RANBP2: variants seen among roughly 807,000 people sequenced by gnomAD.
RANBP2 encodes E3 SUMO-protein ligase RanBP2.
RANBP2 carries 57 observed loss-of-function variants against 303.6 expected under a neutral mutation model. That is an observed-to-expected ratio of 0.19 (90% confidence interval 0.15 to 0.23). RANBP2 has a LOEUF of 0.23. Among genes scored for constraint, RANBP2 ranks in the 10% least tolerant of loss-of-function variants. The pLI is 1.00. For synonymous variants in RANBP2, 1,167 were observed against 1,301.5 expected, an observed-to-expected ratio of 0.90 and a Z score of 2.23; for missense variants, 3,138 against 3,780.8, an observed-to-expected ratio of 0.83 and a Z score of 4.46.
At chr2:109,255,679 C>T in the RANBP2 span, among the ~76,000 whole-genome samples, 1 of 152,148 alleles carries the variant, frequency 6.6e-6, no homozygotes, top group African/African-American at 2.4e-5. Context: ...AACTACTTAC[C>T]AGAAAACATG....
At chr2:108,821,868 C>A in the RANBP2 span, among the ~76,000 whole-genome samples, 1 of 150,616 alleles carries the variant, frequency 6.6e-6, no homozygotes, top group African/African-American at 2.4e-5. Context: ...TTGCTTGAAC[C>A]CAGGAGGTGA....
the RANBP2 span, among the ~76,000 whole-genome samples, chr2:109,667,563 T>A: frequency 6.6e-6 from 1 of 152,154 alleles, no homozygotes; most frequent in Non-Finnish European, 1.5e-5. Flanking sequence ...CATAGAATGA[T>A]GAACAGAGGT....
the RANBP2 span, among the ~76,000 whole-genome samples, chr2:109,435,151 C>G: frequency 6.6e-6 from 1 of 152,196 alleles, no homozygotes; most frequent in East Asian, 1.9e-4. Context: ...GTGTCCTCTC[C>G]GGTTCCTTAG....
chr2:108,806,579 C>T, the RANBP2 span, among the ~76,000 whole-genome samples: 31 of 152,262 alleles, frequency 2.0e-4, no homozygotes, highest in Non-Finnish European at 4.0e-4. Flanking sequence ...GTCTCTCTTT[C>T]AGTGACCCAG....
At chr2:109,441,069 C>CA in the RANBP2 span, among the ~76,000 whole-genome samples, 1 of 143,562 alleles carries the variant, frequency 7.0e-6, no homozygotes, top group Non-Finnish European at 1.5e-5. Context: ...ACTCAAGAGT[C>CA]AAACTATTTC....
chr2:109,129,354 CCCGCCACGCAGGCCGGTCG>C, the RANBP2 span: 2 of 235,954 alleles, frequency 8.5e-6, no homozygotes, highest in Non-Finnish European at 1.5e-5. Context: ...CAGGCCGGTC[CCCGCCACGCAGGCCGGTCG>C]GTGAGCCACT....
the RANBP2 span, among the ~76,000 whole-genome samples, chr2:109,326,691 A>T: frequency 7.9e-5 from 12 of 152,224 alleles, no homozygotes; most frequent in Non-Finnish European, 1.8e-4. Context: ...TTCTTGAAAG[A>T]TCTATCTGTT....
At chr2:109,268,910 A>G in the RANBP2 span, among the ~76,000 whole-genome samples, 1 of 152,200 alleles carries the variant, frequency 6.6e-6, no homozygotes, top group African/African-American at 2.4e-5. Flanking sequence ...GTTTATCAAA[A>G]TGTAACCCCA....
chr2:109,065,489 C>T, the RANBP2 span, among the ~76,000 whole-genome samples: 12 of 152,104 alleles, frequency 7.9e-5, no homozygotes, highest in Non-Finnish European at 1.6e-4. Flanking sequence ...AATCAGCCCT[C>T]GTTCAGCCCA....
the RANBP2 span, among the ~76,000 whole-genome samples, chr2:109,538,145 A>G: frequency 6.6e-6 from 1 of 152,160 alleles, no homozygotes; most frequent in Admixed American, 6.5e-5. Context: ...TCCAGCCACT[A>G]CCTGGCTTGT....
At chr2:108,913,785 C>A in the RANBP2 span, among the ~76,000 whole-genome samples, 1 of 151,880 alleles carries the variant, frequency 6.6e-6, no homozygotes, top group Non-Finnish European at 1.5e-5. Context: ...CCCGTCTCTA[C>A]TAAAAATACA....
At chr2:109,639,650 G>A in the RANBP2 span, among the ~76,000 whole-genome samples, 2 of 151,534 alleles carry the variant, frequency 1.3e-5, no homozygotes, top group Non-Finnish European at 2.9e-5. Context: ...ATAAAAAAAT[G>A]GGCTGTAATC....
the RANBP2 span, chr2:109,398,497 T>G: frequency 8.7e-7 from 1 of 1,151,032 alleles, no homozygotes; most frequent in Admixed American, 2.5e-5. Flanking sequence ...ATTGCCAGTT[T>G]GTGAATGGAA....
Position 108,747,785 on chromosome 2 carries a change from A to T in RANBP2, c.1063+987A>T, listed in dbSNP as rs182965651. ...AGAATTAACTCGAAGGAGGGTTTTTAAAAAAAGTTCAATTGAAATATAATT... is the reference window on the plus strand; with the variant it reads ...AGAATTAACTCGAAGGAGGGTTTTTTAAAAAAGTTCAATTGAAATATAATT... On this transcript the variant is annotated intron_variant, in intron 8 of 28. Transcript: ENST00000283195. Among the ~76,000 whole-genome samples, 762 of 152,266 alleles carry T rather than the reference A, an allele frequency of 5.0e-3. 4 individuals carry two copies. Among genetic ancestry groups the T allele is most frequent in the South Asian group, 0.021 (100 of 4,816 alleles).
chr2:109,670,015 G>A, the RANBP2 span, among the ~76,000 whole-genome samples: 5 of 151,986 alleles, frequency 3.3e-5, no homozygotes, highest in African/African-American at 4.8e-5. Context: ...TGCAGTCTCC[G>A]TCACAGCCAG....
At chr2:109,576,885 G>GA in the RANBP2 span, among the ~76,000 whole-genome samples, 2 of 151,886 alleles carry the variant, frequency 1.3e-5, no homozygotes, top group East Asian at 1.9e-4. Flanking sequence ...GTTTTCAAAG[G>GA]AAAAAAACAG....
chr2:108,860,199 C>T, the RANBP2 span, among the ~76,000 whole-genome samples: 1 of 151,932 alleles, frequency 6.6e-6, no homozygotes, highest in Admixed American at 6.6e-5. Context: ...GAATTTGTAT[C>T]TTCAGACTTC....
the RANBP2 span, among the ~76,000 whole-genome samples, chr2:109,635,106 G>C: frequency 7.1e-6 from 1 of 140,558 alleles, no homozygotes; most frequent in East Asian, 2.2e-4. Flanking sequence ...AAACTCCAGT[G>C]TTAAAAAAAA....
the RANBP2 span, chr2:109,129,422 G>T: frequency 6.8e-7 from 1 of 1,465,504 alleles, no homozygotes; most frequent in African/African-American, 1.5e-5. Flanking sequence ...CACCAGCCGG[G>T]GTGAAGAAAG....
Sources: gnomAD v4.1 joint callset for allele counts (sites outside exome capture counted in the v4.1 genomes callset) on GRCh38, gnomAD v4.1.1 for gene constraint, MANE v1.5 for transcripts, NCBI Gene and HGNC (gene_info 2026-07-23, HGNC 2026-07-21) for gene names.